The following LRRC49 variants were observed in gnomAD, a reference collection of about 807,000 sequenced individuals.
LRRC49 encodes the protein leucine rich repeat containing 49.
A neutral mutation model predicts 83.3 loss-of-function variants in LRRC49; 50 were observed. That is an observed-to-expected ratio of 0.60 (90% CI 0.48 to 0.76). The LOEUF is 0.76. Ranked by LOEUF, LRRC49 falls within the 30% of genes least tolerant of loss-of-function variation. The pLI, the probability that LRRC49 is intolerant of heterozygous loss-of-function variation, is 0.00. For missense variants in LRRC49, 704 were observed against 809.1 expected (o/e 0.87, Z 1.58); for synonymous variants, 286 against 283.3 (o/e 1.01, Z -0.10).
chr15:70,930,158 A>G (rs1375620065), intron 7 of LRRC49, among the ~76,000 whole-genome samples: 1 of 152,182 alleles, frequency 6.6e-6, no homozygotes, highest in African/African-American at 2.4e-5. Flanking sequence ...GCCTTATGAA[A>G]TGTATATCTT....
chr15:70,909,523 C>A (rs768024292), intron 5 of LRRC49, among the ~76,000 whole-genome samples: 1 of 152,088 alleles, frequency 6.6e-6, no homozygotes, highest in Non-Finnish European at 1.5e-5. Context: ...AGGAGCAAAG[C>A]AGGCAAAGGA....
intron 1 of LRRC49, among the ~76,000 whole-genome samples, chr15:70,871,838 G>A (rs996529183): frequency 6.6e-6 from 1 of 151,724 alleles, no homozygotes; most frequent in Admixed American, 6.6e-5. Flanking sequence ...TCAGACGATG[G>A]GCGGCCGGGC....
chr15:71,024,338 T>C (rs2039089638), intron 14 of LRRC49, among the ~76,000 whole-genome samples: 1 of 152,166 alleles, frequency 6.6e-6, no homozygotes, highest in Admixed American at 6.5e-5. Context: ...GCCAGACACC[T>C]TATACTGGAG....
At chr15:70,970,903 C>T (rs539310050) in intron 9 of LRRC49, among the ~76,000 whole-genome samples, 6 of 152,162 alleles carry the variant, frequency 3.9e-5, no homozygotes, top group Non-Finnish European at 8.8e-5. Context: ...GGCTAGCAGT[C>T]TACCTATTTT....
At chr15:70,874,744 A>C (rs900287081) in intron 2 of LRRC49, among the ~76,000 whole-genome samples, 2 of 152,256 alleles carry the variant, frequency 1.3e-5, no homozygotes, top group African/African-American at 4.8e-5. Flanking sequence ...GAAAGGAATA[A>C]GTCTACATGA....
intron 7 of LRRC49, among the ~76,000 whole-genome samples, chr15:70,921,399 C>A (rs2035000853): frequency 2.0e-5 from 3 of 152,188 alleles, no homozygotes; most frequent in Admixed American, 6.5e-5. Context: ...GTTCCTTAGG[C>A]TCTAGCTGAG....
chr15:70,854,069 T>C, intron 1 of LRRC49: 2 of 1,371,862 alleles, frequency 1.5e-6, no homozygotes, highest in Non-Finnish European at 9.5e-7. Flanking sequence ...GGGCCGAGCC[T>C]CCCCGCCGGA....
rs1433899124 is a variant in LRRC49, at chr15:71,049,491, A to T, written c.1940A>T (p.Glu647Val). 13 of 1,613,598 alleles carry T rather than the reference A, an allele frequency of 8.1e-6. No homozygotes were observed. The highest frequency in any genetic ancestry group is 1.1e-5 in the Non-Finnish European group (13 of 1,179,488). ...KEATEINMKN[E>V]ALQKLWPQMF... ...GCCACAGAAATCAACATGAAAAATG[A>T]GGCTTTGCAGAAGCTTTGGCCACAG... is the stretch of plus-strand genomic sequence containing the variant. Residue 647 changes from glutamate to valine, a missense_variant, in exon 16 of 16, where the codon GAG becomes GTG. Around this residue, in one of 3 missense-constraint regions of LRRC49, gnomAD observed 275 missense variants for 338.0 expected, o/e 0.81. Coordinates refer to ENST00000260382, the MANE Select transcript of LRRC49 (RefSeq NM_017691.5).
rs2037507758 is a variant in LRRC49 at position 70,984,162 on chromosome 15, T to C, written c.1074T>C (p.Asn358=). The C allele has an allele frequency of 6.2e-7, 1 of 1,612,926 alleles. No individual in the cohort carries two copies. Among genetic ancestry groups the C allele is most frequent in the Non-Finnish European group, 8.5e-7 (1 of 1,179,208 alleles). ...QWDLQQQRVA[N]IATNEDRKDS... is the part of the protein sequence containing the mutation. ...ACTTGCAACAACAACGAGTAGCCAA[T>C]ATTGCTACAAATGAAGATAGAAAAG... The change falls in exon 11 of 16, where the codon AAT becomes AAC. Residue 358 remains asparagine, a synonymous_variant. Coordinates refer to ENST00000260382, the MANE Select transcript of LRRC49 (RefSeq NM_017691.5).
chr15:70,942,884 A>T (rs1211021037), intron 8 of LRRC49, among the ~76,000 whole-genome samples: 4 of 152,262 alleles, frequency 2.6e-5, no homozygotes, highest in Non-Finnish European at 5.9e-5. Context: ...GCCCTCTGTC[A>T]GAAGCAAAAA....
Position 70,859,678 on chromosome 15 carries a change from G to C in LRRC49, c.-299+6209G>C, listed in dbSNP as rs1256228676. On this transcript the variant is annotated intron_variant, in intron 1 of 16. Transcript: ENST00000544974. ...TCAGCCGGCTCCAGGCTGAGATTAAGGGCCTCAAAGGCCAGATGGCTTCCC... is the reference window on the plus strand; with the variant it reads ...TCAGCCGGCTCCAGGCTGAGATTAACGGCCTCAAAGGCCAGATGGCTTCCC... 4 of 661,066 alleles carry C rather than the reference G, an allele frequency of 6.1e-6. No individual in the cohort carries two copies. The African/African-American group carries it at 7.1e-5, about 12-fold the overall frequency. The allele number at this position is 661,066 out of a possible 1,614,324, so 41.0% of individuals were successfully genotyped here.
In LRRC49 at chr15:70,871,922, G is replaced by A. The variant is rs191452660; in HGVS notation, c.-298-986G>A. On this transcript the variant is annotated intron_variant, in intron 1 of 16. Coordinates refer to the LRRC49 transcript ENST00000544974. ...TCCTTACTTCCCAGACTGGGCGGCCGGGCAGAGGGGCTCCTCACATCCCAG... is the reference window on the plus strand; with the variant it reads ...TCCTTACTTCCCAGACTGGGCGGCCAGGCAGAGGGGCTCCTCACATCCCAG... Among the ~76,000 whole-genome samples the A allele has an allele frequency of 3.7e-3, 555 of 151,578 alleles. 3 individuals are homozygous for A. The highest frequency in any genetic ancestry group is 0.012 in the African/African-American group (509 of 41,302).
chr15:70,871,651 T>C (rs2033042726), intron 1 of LRRC49, among the ~76,000 whole-genome samples: 1 of 136,984 alleles, frequency 7.3e-6, no homozygotes, highest in Non-Finnish European at 1.6e-5. Context: ...GGGCGGCTGC[T>C]GGGCGGAGGG....
At chr15:70,980,572 G>GTT (rs1333960209) in intron 10 of LRRC49, among the ~76,000 whole-genome samples, 5 of 135,462 alleles carry the variant, frequency 3.7e-5, no homozygotes, top group South Asian at 2.3e-4. Flanking sequence ...GCTCTGCTAC[G>GTT]TTTTTTTTTT....
At chr15:70,911,012 A>T (rs2034527152) in intron 5 of LRRC49, among the ~76,000 whole-genome samples, 1 of 152,250 alleles carries the variant, frequency 6.6e-6, no homozygotes, top group Non-Finnish European at 1.5e-5. Context: ...GAGTTGTTTG[A>T]TCTGAGACCT....
At chr15:71,034,667 G>GT (rs2039464452) in intron 14 of LRRC49, among the ~76,000 whole-genome samples, 1 of 152,166 alleles carries the variant, frequency 6.6e-6, no homozygotes, top group African/African-American at 2.4e-5. Context: ...AGAAATTGTG[G>GT]TATGGATATG....
chr15:70,915,739 T>C (rs1301923541), intron 6 of LRRC49, among the ~76,000 whole-genome samples: 1 of 152,222 alleles, frequency 6.6e-6, no homozygotes, highest in Non-Finnish European at 1.5e-5. Context: ...AGTTTTATCA[T>C]CTGTTAATAC....
At chr15:70,957,137 C>T (rs969271677) in intron 8 of LRRC49, among the ~76,000 whole-genome samples, 2 of 152,106 alleles carry the variant, frequency 1.3e-5, no homozygotes, top group Non-Finnish European at 2.9e-5. Context: ...ATTCTTAGAC[C>T]AATTCCATTG....
At chr15:71,002,513 T>G (rs2038295702) in intron 11 of LRRC49, among the ~76,000 whole-genome samples, 2 of 148,490 alleles carry the variant, frequency 1.3e-5, no homozygotes. Context: ...TGGTGTAATG[T>G]TTTTTTTTTG....
Sources: gnomAD v4.1 joint callset for allele counts (sites outside exome capture counted in the v4.1 genomes callset) on GRCh38, gnomAD v4.1.1 for gene constraint, gnomAD v4.1.1 regional missense constraint, MANE v1.5 for transcripts, NCBI Gene and HGNC (gene_info 2026-07-23, HGNC 2026-07-21) for gene names.